WDPCP: variants seen among roughly 807,000 people sequenced by gnomAD.
WDPCP encodes WD repeat-containing and planar cell polarity effector protein fritz homolog.
A neutral mutation model predicts 93.1 loss-of-function variants in WDPCP; 71 were observed. That is an observed-to-expected ratio of 0.76 (90% CI 0.63 to 0.93). WDPCP has a LOEUF of 0.93. WDPCP is among the 40% of genes least tolerant of loss of function. The probability of loss-of-function intolerance (pLI) is 0.00; values close to 1 mark genes in which losing one functional copy is unlikely to be tolerated. For missense variants in WDPCP, 844 were observed against 887.4 expected, an observed-to-expected ratio of 0.95 and a Z score of 0.62; for synonymous variants, 315 against 315.0, an observed-to-expected ratio of 1.00 and a Z score of 0.00.
In WDPCP at chr2:63,710,398, G is replaced by A. The variant is rs139958469; in HGVS notation, n.309-59560C>T. 4.1e-3 allele frequency among the ~76,000 whole-genome samples: 624 copies of A among 152,274 alleles called. 2 individuals are homozygous for A. The highest frequency in any genetic ancestry group is 8.4e-3 in the Admixed American group (129 of 15,288). ...CTTCTCCTTTCCATTTCAGAATTAT[G>A]AGCAGTAATAGCCCCTCATTGTTGC... is the stretch of plus-strand genomic sequence containing the variant. On this transcript the variant is annotated intron_variant and non_coding_transcript_variant, in intron 2 of 4. Coordinates refer to the WDPCP transcript ENST00000467687.
At chr2:63,375,590 TG>T (rs978468193) in intron 12 of WDPCP, among the ~76,000 whole-genome samples, 1 of 151,876 alleles carries the variant, frequency 6.6e-6, no homozygotes, top group Non-Finnish European at 1.5e-5. Context: ...TGTTTGGATT[TG>T]GAAAAAGGCT....
intron 6 of WDPCP, among the ~76,000 whole-genome samples, chr2:63,457,587 C>T (rs1288177495): frequency 6.6e-6 from 1 of 152,122 alleles, no homozygotes; most frequent in African/African-American, 2.4e-5. Context: ...TCCAACAGCA[C>T]ATCAAATGAT....
rs1701674161 is a variant in WDPCP at position 63,503,393 on chromosome 2, C to A, written c.76-10453G>T. On this transcript the variant is annotated intron_variant, in intron 1 of 17. Coordinates refer to ENST00000272321, the MANE Select transcript of WDPCP (RefSeq NM_015910.7). Reference sequence around the variant, plus strand: ...TTTGCTGCACACAATTTTCCATTATCCCAAAGAGACTTGTATCTAGTTGAA... The same window carrying A: ...TTTGCTGCACACAATTTTCCATTATACCAAAGAGACTTGTATCTAGTTGAA... 2.6e-5 allele frequency among the ~76,000 whole-genome samples: 4 copies of A among 152,100 alleles called. No homozygotes were observed. The South Asian group carries it at 8.3e-4, about 32-fold the overall frequency.
intron 1 of WDPCP, among the ~76,000 whole-genome samples, chr2:63,527,000 TA>T (rs1703387372): frequency 6.6e-6 from 1 of 152,206 alleles, no homozygotes; most frequent in African/African-American, 2.4e-5. Flanking sequence ...GGCTTCCTCA[TA>T]AACTTAGAGT....
chr2:63,604,326 A>T (rs1344671365), intron 3 of WDPCP, among the ~76,000 whole-genome samples: 2 of 152,266 alleles, frequency 1.3e-5, no homozygotes, highest in Admixed American at 1.3e-4. Flanking sequence ...CCAAGTAAAC[A>T]TTAACAGTGA....
rs2105920470 is a variant in WDPCP at position 63,487,494 on chromosome 2, T to C, written c.161A>G (p.Asp54Gly). 1 of 1,588,380 alleles carries C rather than the reference T, an allele frequency of 6.3e-7. No homozygotes were observed. Among genetic ancestry groups the C allele is most frequent in the East Asian group, 2.2e-5 (1 of 44,604 alleles). The change falls in exon 3 of 18, where the codon GAT (aspartate) becomes GGT (glycine). Residue 54 changes from aspartate to glycine, a missense_variant and splice_region_variant. By Grantham distance (94) the Asp-to-Gly change is moderately conservative. Coordinates refer to ENST00000272321, the MANE Select transcript of WDPCP (RefSeq NM_015910.7). ...WSLKNTLHIA[D>G]RDIGIYQYYD... ...ATACTGGTAGATCCCAATGTCTCTA[T>C]CTATAGAAAGGAAGAAATAACATTA... is the stretch of plus-strand genomic sequence containing the variant.
chr2:63,301,243 T>C (rs935667366), intron 13 of WDPCP, among the ~76,000 whole-genome samples: 1 of 152,214 alleles, frequency 6.6e-6, no homozygotes, highest in Non-Finnish European at 1.5e-5. Flanking sequence ...AACAATTGCA[T>C]TAAAATATCC....
intron 10 of WDPCP, among the ~76,000 whole-genome samples, chr2:63,384,530 T>C (rs1692574827): frequency 6.6e-6 from 1 of 151,972 alleles, no homozygotes; most frequent in South Asian, 2.1e-4. Context: ...TGCACACACA[T>C]AATTAAACAC....
At chr2:63,501,634 G>A (rs1433744326) in intron 1 of WDPCP, among the ~76,000 whole-genome samples, 1 of 152,104 alleles carries the variant, frequency 6.6e-6, no homozygotes, top group Non-Finnish European at 1.5e-5. Context: ...TTCTTTTTTG[G>A]AGATGGAGTT....
chr2:63,374,592 A>C (rs1691691672), intron 12 of WDPCP, among the ~76,000 whole-genome samples: 1 of 152,176 alleles, frequency 6.6e-6, no homozygotes, highest in Admixed American at 6.6e-5. Context: ...ATTGCTTAAG[A>C]ACTGTTTTAG....
chr2:63,575,429 T>G (rs923621126), intron 1 of WDPCP, among the ~76,000 whole-genome samples: 32 of 1,792 alleles, frequency 0.018, 7 homozygotes, highest in African/African-American at 0.043. Flanking sequence ...CTGTATACAG[T>G]GTATATACAG....
At chr2:63,134,735 A>C (rs1670503855) in intron 17 of WDPCP, among the ~76,000 whole-genome samples, 1 of 152,220 alleles carries the variant, frequency 6.6e-6, no homozygotes, top group African/African-American at 2.4e-5. Flanking sequence ...TATGTATTTA[A>C]AAAATTATGA....
At chr2:63,691,326 C>T (rs1668884988) in intron 2 of WDPCP, among the ~76,000 whole-genome samples, 1 of 152,162 alleles carries the variant, frequency 6.6e-6, no homozygotes, top group African/African-American at 2.4e-5. Context: ...AGGTTATGAA[C>T]ATTTGTGTAT....
At position 63,538,273 on chromosome 2, in the gene WDPCP, A is replaced by G. The variant is rs547506259; in HGVS notation, c.76-45333T>C. Among the ~76,000 whole-genome samples, 59 of 152,280 alleles carry G rather than the reference A, an allele frequency of 3.9e-4. 1 individual carries two copies. The highest frequency in any genetic ancestry group is 3.4e-3 in the Middle Eastern group (1 of 294). On this transcript the variant is annotated intron_variant, in intron 1 of 17. Coordinates refer to ENST00000272321, the MANE Select transcript of WDPCP (RefSeq NM_015910.7). ...ATTAAAAATAACATGAAAAATTACA[A>G]AATTAGATGTACAGAACCCCAAATA... is the stretch of plus-strand genomic sequence containing the variant.
intron 17 of WDPCP, among the ~76,000 whole-genome samples, chr2:63,131,407 A>C (rs1028495359): frequency 6.6e-6 from 1 of 151,872 alleles, no homozygotes; most frequent in African/African-American, 2.4e-5. Flanking sequence ...ACACATTTCA[A>C]ATTTATGCAA....
chr2:63,179,793 T>C (rs538111392), intron 14 of WDPCP, among the ~76,000 whole-genome samples: 9 of 152,308 alleles, frequency 5.9e-5, no homozygotes, highest in African/African-American at 2.2e-4. Context: ...AATTTTCATG[T>C]ATTTGTGGAT....
intron 2 of WDPCP, among the ~76,000 whole-genome samples, chr2:63,703,565 GGTTTTGTTTTGTTTTGTTTT>G (rs58378137): frequency 4.0e-5 from 6 of 150,990 alleles, no homozygotes; most frequent in African/African-American, 1.5e-4. Flanking sequence ...TTTTTGATGG[GGTTTTGTTTTGTTTTGTTTT>G]GTTTTGTTTT....
At chr2:63,301,448 A>G (rs961432003) in intron 13 of WDPCP, among the ~76,000 whole-genome samples, 4 of 152,226 alleles carry the variant, frequency 2.6e-5, no homozygotes, top group African/African-American at 9.6e-5. Flanking sequence ...ATAGCAGGAT[A>G]TAAAGTTCAA....
At chr2:63,666,224 G>C (rs1353133255) in intron 2 of WDPCP, among the ~76,000 whole-genome samples, 1 of 152,110 alleles carries the variant, frequency 6.6e-6, no homozygotes, top group African/African-American at 2.4e-5. Flanking sequence ...TTCATTTCCT[G>C]AAAATGAAAT....
Sources: allele counts gnomAD v4.1 joint callset (sites outside exome capture counted in the v4.1 genomes callset), GRCh38; gene constraint gnomAD v4.1.1; transcripts MANE v1.5; gene names NCBI Gene and HGNC (gene_info 2026-07-23, HGNC 2026-07-21).